The following RADX variants were observed in gnomAD, a reference collection of about 807,000 sequenced individuals.
RADX encodes the protein RPA1 related single stranded DNA binding protein, X-linked, also known as RPA-related protein RADX.
A neutral mutation model predicts 61.6 loss-of-function variants in RADX; 36 were observed. That is an observed-to-expected ratio of 0.58 (90% CI 0.45 to 0.77). The LOEUF is 0.77. RADX is among the 30% of genes least tolerant of loss of function. RADX has a pLI of 0.00. For synonymous variants in RADX, 272 were observed against 237.9 expected, an observed-to-expected ratio of 1.14 and a Z score of -1.32; for missense variants, 497 against 651.1, an observed-to-expected ratio of 0.76 and a Z score of 2.58.
intron 11 of RADX, among the ~76,000 whole-genome samples, chrX:106,651,066 A>G (rs1344663446): frequency 1.8e-5 from 2 of 111,108 alleles, no homozygotes; most frequent in Non-Finnish European, 1.9e-5. Flanking sequence ...AATTGTATAT[A>G]TATAAAAATG....
At chrX:106,632,778 C>G in intron 4 of RADX, 45 bp downstream of exon 4, 1 of 990,566 alleles carries the variant, frequency 1.0e-6, no homozygotes, top group East Asian at 3.1e-5. Context: ...AATCTTCAGT[C>G]TTGGTTACTG....
At chrX:106,640,447 C>T in intron 9 of RADX, 105 bp from the exon 10 acceptor site, 1 of 515,895 alleles carries the variant, frequency 1.9e-6, no homozygotes, top group South Asian at 5.5e-5. Flanking sequence ...GAAGTTTTGC[C>T]AGAACTGTTG....
chrX:106,619,312 C>T (rs1238168982), intron 1 of RADX, among the ~76,000 whole-genome samples: 3 of 111,780 alleles, frequency 2.7e-5, no homozygotes, highest in African/African-American at 9.8e-5. Context: ...TCCACTTGAT[C>T]ATGGCACAGT....
intron 2 of RADX, among the ~76,000 whole-genome samples, chrX:106,624,055 C>T (rs1927020071): frequency 9.0e-6 from 1 of 111,337 alleles, no homozygotes; most frequent in South Asian, 3.8e-4. Flanking sequence ...AATTGCCCTA[C>T]CTGGAATGTT....
Position 106,615,478 on chromosome X carries a change from C to CT in RADX, c.643+2760dup, listed in dbSNP as rs1926780636. ...TCTTTTTGATCCTCAAACCTCCAGTCTTTTTCCTGCACTTGCTTTTTCCTC... is the reference window on the plus strand; with the variant it reads ...TCTTTTTGATCCTCAAACCTCCAGTCTTTTTTCCTGCACTTGCTTTTTCCTC... On this transcript the variant is annotated intron_variant, in intron 1 of 13. Coordinates refer to ENST00000372548, the MANE Select transcript of RADX (RefSeq NM_018015.6). 2.7e-5 allele frequency among the ~76,000 whole-genome samples: 3 copies of CT among 111,717 alleles called. No individual in the cohort carries two copies. The Admixed American group carries it at 2.8e-4, about 11-fold the overall frequency.
intron 1 of RADX, among the ~76,000 whole-genome samples, chrX:106,622,049 A>C (rs1393855807): frequency 9.5e-6 from 1 of 105,519 alleles, no homozygotes; most frequent in Non-Finnish European, 1.9e-5. Context: ...TGATCCTCCC[A>C]CTTCAGCCTC....
At position 106,678,938 on chromosome X, in the gene RADX, T is replaced by C. The variant is rs1001978550; in HGVS notation, c.*680T>C. On this transcript the variant is annotated 3_prime_UTR_variant, in exon 14 of 14. Coordinates refer to ENST00000372548, the MANE Select transcript of RADX (RefSeq NM_018015.6). ...GGCTGCAGTATGTCTATATTCTTGCTGTACTCATTGGTAGTTTCAGTATAT... is the reference window on the plus strand; with the variant it reads ...GGCTGCAGTATGTCTATATTCTTGCCGTACTCATTGGTAGTTTCAGTATAT... 2 of 112,683 alleles carry C rather than the reference T, an allele frequency of 1.8e-5. No individual in the cohort carries two copies. The highest frequency in any genetic ancestry group is 7.3e-4 in the South Asian group (2 of 2,726). 9.3% of individuals were successfully genotyped at this position (112,683 alleles called of 1,213,427 possible). A position where few individuals can be genotyped will look rare whatever the true frequency, so the allele number is the denominator to read the frequency against.
At chrX:106,639,329 T>C in intron 8 of RADX, 198 bp from the exon 9 acceptor site, 1 of 355,067 alleles carries the variant, frequency 2.8e-6, no homozygotes, top group Non-Finnish European at 4.8e-6. Flanking sequence ...AGTGGAAGCC[T>C]GTATTCAAAT....
At chrX:106,629,718 G>A (rs909815920) in intron 3 of RADX, among the ~76,000 whole-genome samples, 53 of 110,593 alleles carry the variant, frequency 4.8e-4, no homozygotes, top group Non-Finnish European at 4.7e-4. Flanking sequence ...AACCAAACAA[G>A]AATAGTATGA....
intron 6 of RADX, among the ~76,000 whole-genome samples, chrX:106,635,819 T>G (rs768673767): frequency 8.9e-6 from 1 of 112,352 alleles, no homozygotes. Context: ...TTAATGAAAC[T>G]ATAATAATTA....
At chrX:106,663,187 G>A (rs1412552954) in intron 12 of RADX, among the ~76,000 whole-genome samples, 3 of 111,870 alleles carry the variant, frequency 2.7e-5, no homozygotes, top group Non-Finnish European at 3.8e-5. Context: ...CAGTTGGTGA[G>A]AGCGTGGTGC....
intron 1 of RADX, among the ~76,000 whole-genome samples, chrX:106,621,172 A>C (rs991156474): frequency 8.9e-6 from 1 of 112,203 alleles, no homozygotes; most frequent in Non-Finnish European, 1.9e-5. Context: ...GAAATCACTT[A>C]ATTATATCAG....
At chrX:106,658,964 A>AT (rs71937728) in intron 11 of RADX, among the ~76,000 whole-genome samples, 4,534 of 96,098 alleles carry the variant, frequency 0.047, 298 homozygotes, top group African/African-American at 0.16. Context: ...ATCCCATTAC[A>AT]TTTTTTTTTT....
At chrX:106,657,580 G>C (rs1927974705) in intron 11 of RADX, among the ~76,000 whole-genome samples, 1 of 111,743 alleles carries the variant, frequency 8.9e-6, no homozygotes, top group South Asian at 3.7e-4. Flanking sequence ...TGAAATGAGA[G>C]ATGTGTGACT....
intron 3 of RADX, among the ~76,000 whole-genome samples, chrX:106,626,189 T>C (rs1424464721): frequency 8.9e-6 from 1 of 111,753 alleles, no homozygotes; most frequent in East Asian, 2.8e-4. Flanking sequence ...AGTTTAAATA[T>C]TGTTTTTGGT....
At chrX:106,629,582 A>C (rs1927160067) in intron 3 of RADX, among the ~76,000 whole-genome samples, 1 of 111,936 alleles carries the variant, frequency 8.9e-6, no homozygotes, top group African/African-American at 3.2e-5. Context: ...TCAGGCATAC[A>C]TCATATTATA....
chrX:106,647,968 G>A lies in RADX; in HGVS notation c.1905-345G>A, dbSNP rs970195945. ...TTGCAAATATTTTCTCCCATTCTGT[G>A]GGTTGTCTCTTCACTTTGATTATTT... On this transcript the variant is annotated intron_variant, in intron 10 of 13. Transcript: ENST00000372548. 2.7e-5 allele frequency among the ~76,000 whole-genome samples: 3 copies of A among 109,896 alleles called. No individual in the cohort carries two copies. In the Admixed American group the frequency reaches 2.9e-4, roughly 11 times the overall value.
intron 6 of RADX, among the ~76,000 whole-genome samples, chrX:106,634,674 G>A (rs1309582345): frequency 3.6e-5 from 4 of 111,291 alleles, no homozygotes; most frequent in African/African-American, 6.5e-5. Context: ...AGAGAGTTTC[G>A]GCCAAACCAA....
chrX:106,640,680 G>T lies in RADX; in HGVS notation c.1863G>T (p.Leu621=). The change falls in exon 10 of 14, where the codon CTG becomes CTT. Residue 621 remains leucine (L), a synonymous_variant. Transcript: ENST00000372548. Reference sequence around the variant, plus strand: ...AAACTACATCTACAAATTTAAGTCTGAGCAATAAAATAAGAATTCTTCAAG... The same window carrying T: ...AAACTACATCTACAAATTTAAGTCTTAGCAATAAAATAAGAATTCTTCAAG... ...YFQTTSTNLS[L]SNKIRILQGP... 7 of 1,197,962 alleles carry T rather than the reference G, an allele frequency of 5.8e-6. No homozygotes were observed. Among genetic ancestry groups the T allele is most frequent in the Non-Finnish European group, 7.9e-6 (7 of 886,433 alleles).
Sources: gnomAD v4.1 joint callset for allele counts (sites outside exome capture counted in the v4.1 genomes callset) on GRCh38, gnomAD v4.1.1 for gene constraint, MANE v1.5 for transcripts, NCBI Gene and HGNC (gene_info 2026-07-23, HGNC 2026-07-21) for gene names.